Variants in VPS41 observed in about 807,000 individuals in gnomAD.
VPS41 encodes VPS41 subunit of HOPS complex, also known as vacuolar protein sorting-associated protein 41 homolog.
Under a neutral mutation model 130.9 loss-of-function variants are expected in VPS41, and 85 were observed. The ratio of observed to expected loss-of-function variants is 0.65; its 90% CI spans 0.55 to 0.78. The LOEUF (loss-of-function observed/expected upper bound fraction) is 0.78, where lower values mean the gene tolerates loss of function less well. Among genes scored for constraint, VPS41 ranks in the 30% least tolerant of loss-of-function variants. The pLI is 0.00. For missense variants in VPS41, 874 were observed against 1,018.7 expected (o/e 0.86, Z 1.93); for synonymous variants, 335 against 332.9 (o/e 1.01, Z -0.07).
At chr7:38,891,227 T>C (rs897013635) in intron 2 of VPS41, among the ~76,000 whole-genome samples, 29 of 152,302 alleles carry the variant, frequency 1.9e-4, no homozygotes, top group Admixed American at 1.6e-3. Flanking sequence ...AAGACACCTA[T>C]AATATGTATA....
intron 10 of VPS41, among the ~76,000 whole-genome samples, chr7:38,778,084 T>A (rs994291699): frequency 1.3e-5 from 2 of 152,196 alleles, no homozygotes; most frequent in African/African-American, 4.8e-5. Flanking sequence ...ATGTAATAGT[T>A]AGCAACATAA....
At chr7:38,737,990 T>C (rs1193973890) in intron 25 of VPS41, among the ~76,000 whole-genome samples, 1 of 152,192 alleles carries the variant, frequency 6.6e-6, no homozygotes, top group African/African-American at 2.4e-5. Flanking sequence ...ATCTAGCCCC[T>C]GCTCCCTTTT....
At position 38,724,030 on chromosome 7, in the gene VPS41, T is replaced by G. The variant is rs181348849; in HGVS notation, c.*2216A>C. On this transcript the variant is annotated 3_prime_UTR_variant, in exon 29 of 29. Coordinates refer to ENST00000310301, the MANE Select transcript of VPS41 (RefSeq NM_014396.4). ...TTTATTAACGATAAAATCTATATTGTTCAGGAATTTTCCAGTGTGTTACAG... is the reference window on the plus strand; with the variant it reads ...TTTATTAACGATAAAATCTATATTGGTCAGGAATTTTCCAGTGTGTTACAG... 2 of 152,226 alleles carry G rather than the reference T, an allele frequency of 1.3e-5. No homozygotes were observed. Among genetic ancestry groups the G allele is most frequent in the African/African-American group, 4.8e-5 (2 of 41,466 alleles). The allele number at this position is 152,226 out of a possible 1,614,324, so 9.4% of individuals were successfully genotyped here. A position where few individuals can be genotyped will look rare whatever the true frequency, so the allele number is the denominator to read the frequency against.
chr7:38,864,046 T>C (rs932707806), intron 3 of VPS41, among the ~76,000 whole-genome samples: 3 of 152,204 alleles, frequency 2.0e-5, no homozygotes, highest in Non-Finnish European at 2.9e-5. Flanking sequence ...ACGATAAGAA[T>C]TGAAAACAAT....
intron 2 of VPS41, among the ~76,000 whole-genome samples, chr7:38,893,816 T>C (rs77481086): frequency 4.6e-5 from 7 of 152,206 alleles, no homozygotes; most frequent in South Asian, 2.1e-4. Flanking sequence ...CACTTTCCTT[T>C]ACATTAATAA....
intron 7 of VPS41, among the ~76,000 whole-genome samples, chr7:38,815,612 T>C (rs1427442432): frequency 6.6e-6 from 1 of 152,078 alleles, no homozygotes; most frequent in Non-Finnish European, 1.5e-5. Flanking sequence ...CCAAAGGAGA[T>C]TAACATTTGA....
intron 2 of VPS41, among the ~76,000 whole-genome samples, chr7:38,884,978 C>A (rs1165170856): frequency 1.5e-5 from 2 of 137,672 alleles, no homozygotes; most frequent in Admixed American, 6.8e-5. Context: ...TTGCAAAGTT[C>A]TTTGTACTAT....
At chr7:38,728,383 G>T in intron 27 of VPS41, 159 bp downstream of exon 27, 1 of 821,862 alleles carries the variant, frequency 1.2e-6, no homozygotes, top group Non-Finnish European at 2.1e-6. Context: ...GGCAGCACCA[G>T]CATTCCACTG....
chr7:38,789,545 C>T lies in VPS41; in HGVS notation c.784+256G>A, dbSNP rs117237285. Among the ~76,000 whole-genome samples the T allele has an allele frequency of 6.7e-3, 1,024 of 152,174 alleles. 2 individuals carry two copies. Among genetic ancestry groups the T allele is most frequent in the Non-Finnish European group, 9.8e-3 (667 of 68,008 alleles). ...GTGGGTAGGGGCCAACACAGATCCC[C>T]GTGATCCACTGAGGAGTTCCATCTG... On this transcript the variant is annotated intron_variant, in intron 10 of 28. Transcript: ENST00000310301.
intron 1 of VPS41, among the ~76,000 whole-genome samples, chr7:38,904,704 G>T (rs1787219123): frequency 6.6e-6 from 1 of 152,140 alleles, no homozygotes; most frequent in Non-Finnish European, 1.5e-5. Context: ...ACTCAAATTT[G>T]TATTGATTTG....
intron 10 of VPS41, among the ~76,000 whole-genome samples, chr7:38,787,214 C>T (rs1784454686): frequency 6.6e-6 from 1 of 152,024 alleles, no homozygotes; most frequent in Admixed American, 6.6e-5. Flanking sequence ...GCATGTAAGT[C>T]AACTACCCCT....
chr7:38,770,368 G>A (rs1172525896), intron 14 of VPS41, among the ~76,000 whole-genome samples: 3 of 151,192 alleles, frequency 2.0e-5, no homozygotes, highest in East Asian at 1.9e-4. Context: ...TCTAAGGGCC[G>A]GAATGCATTC....
At chr7:38,755,010 T>C (rs1010678800) in intron 19 of VPS41, 74 bp from the exon 20 acceptor site, 3 of 1,392,092 alleles carry the variant, frequency 2.2e-6, no homozygotes, top group Non-Finnish European at 3.0e-6. Context: ...CAATGCAGTG[T>C]ACCTACCACA....
At chr7:38,837,913 G>T (rs569373820) in intron 4 of VPS41, among the ~76,000 whole-genome samples, 1 of 151,872 alleles carries the variant, frequency 6.6e-6, no homozygotes, top group Non-Finnish European at 1.5e-5. Context: ...TTAATATATG[G>T]CAAGGTAGGA....
intron 4 of VPS41, among the ~76,000 whole-genome samples, chr7:38,833,264 C>T (rs1785428892): frequency 1.3e-5 from 2 of 152,202 alleles, no homozygotes; most frequent in Admixed American, 1.3e-4. Flanking sequence ...TGCCCTAACT[C>T]TACTAGAAAT....
intron 4 of VPS41, among the ~76,000 whole-genome samples, chr7:38,851,808 C>T (rs1276532832): frequency 1.3e-5 from 2 of 152,110 alleles, no homozygotes; most frequent in Non-Finnish European, 2.9e-5. Flanking sequence ...ACATCCTAAC[C>T]AATACTTGGT....
At chr7:38,826,950 C>G (rs958440916) in intron 5 of VPS41, among the ~76,000 whole-genome samples, 10 of 152,072 alleles carry the variant, frequency 6.6e-5, no homozygotes, top group African/African-American at 2.4e-4. Context: ...TCCCGAGTAG[C>G]TGGGACTACA....
At chr7:38,830,750 C>G (rs923778012) in intron 4 of VPS41, among the ~76,000 whole-genome samples, 1 of 152,160 alleles carries the variant, frequency 6.6e-6, no homozygotes, top group Non-Finnish European at 1.5e-5. Context: ...CTACAAAATC[C>G]TTTCTCATCT....
chr7:38,785,054 T>C (rs909360733), intron 10 of VPS41, among the ~76,000 whole-genome samples: 1 of 152,240 alleles, frequency 6.6e-6, no homozygotes. Context: ...TATTCATTTA[T>C]GAAAATGCAT....
Sources: gnomAD v4.1 joint callset for allele counts (sites outside exome capture counted in the v4.1 genomes callset) on GRCh38, gnomAD v4.1.1 for gene constraint, MANE v1.5 for transcripts, NCBI Gene and HGNC (gene_info 2026-07-23, HGNC 2026-07-21) for gene names.